Variants in IGF2R observed in about 807,000 individuals in gnomAD.
The protein encoded by IGF2R is cation-independent mannose-6-phosphate receptor.
Under a neutral mutation model 270.6 loss-of-function variants are expected in IGF2R, and 91 were observed. The observed-to-expected ratio is 0.34, with a 90% CI of 0.28 to 0.40. The LOEUF (loss-of-function observed/expected upper bound fraction) is 0.40. Among genes scored for constraint, IGF2R ranks in the 10% least tolerant of loss-of-function variants. IGF2R has a pLI of 1.00. For missense variants in IGF2R, 2,805 were observed against 3,188.3 expected (o/e 0.88, Z 2.90); for synonymous variants, 1,316 against 1,258.9 (o/e 1.05, Z -0.96).
At position 160,085,234 on chromosome 6, in the gene IGF2R, G is replaced by C. The variant is rs573027281; in HGVS notation, c.6205+103G>C. The C allele has an allele frequency of 3.2e-6, 4 of 1,260,862 alleles. No individual in the cohort carries two copies. The African/African-American group carries it at 6.0e-5, about 19-fold the overall frequency. The allele number at this position is 1,260,862 out of a possible 1,614,324, so 78.1% of individuals were successfully genotyped here. ...AAGGAGAGTGAGCATGTGCTTTGGT[G>C]GAAACCTCCAGATATGATTGCCTGT... On this transcript the variant is annotated intron_variant, in intron 41 of 47. Coordinates refer to ENST00000356956, the MANE Select transcript of IGF2R (RefSeq NM_000876.4).
chr6:160,055,291 T>C (rs1263754705), intron 19 of IGF2R, among the ~76,000 whole-genome samples: 1 of 152,226 alleles, frequency 6.6e-6, no homozygotes, highest in Non-Finnish European at 1.5e-5. Flanking sequence ...CTTGTTGCCA[T>C]TGAGACACTG....
At chr6:160,055,608 A>C (rs1778294651) in intron 19 of IGF2R, among the ~76,000 whole-genome samples, 1 of 152,028 alleles carries the variant, frequency 6.6e-6, no homozygotes, top group East Asian at 1.9e-4. Context: ...AAGGGTAGAG[A>C]GCCCTTGACG....
intron 21 of IGF2R, 45 bp from the exon 22 acceptor site, chr6:160,058,861 C>T (rs372736040): frequency 4.0e-5 from 61 of 1,531,322 alleles, no homozygotes; most frequent in South Asian, 1.7e-4. Flanking sequence ...TGGTGAGATA[C>T]GAGGCATAAA....
chr6:160,078,700 G>A (rs1372255557), intron 37 of IGF2R, among the ~76,000 whole-genome samples: 1 of 152,226 alleles, frequency 6.6e-6, no homozygotes, highest in African/African-American at 2.4e-5. Flanking sequence ...AGGTATCCAT[G>A]GGGACAGGGC....
chr6:160,074,107 A>G lies in IGF2R; in HGVS notation c.5166+132A>G, dbSNP rs188379215. The G allele has an allele frequency of 7.9e-5, 52 of 657,124 alleles. No individual in the cohort carries two copies. In the Admixed American group the frequency reaches 9.3e-4, roughly 12 times the overall value. 40.7% of individuals were successfully genotyped at this position (657,124 alleles called of 1,614,324 possible). A position where few individuals can be genotyped will look rare whatever the true frequency, so the allele number is the denominator to read the frequency against. On this transcript the variant is annotated intron_variant, in intron 35 of 47. Transcript: ENST00000356956. ...ATGGAGAAAGTAAGTGGGACTGTGT[A>G]TGTTCTGGGTCCGCTACTGGAAGAT...
chr6:160,096,679 A>G (rs1779367775), intron 45 of IGF2R, 54 bp downstream of exon 45: 2 of 1,399,284 alleles, frequency 1.4e-6, no homozygotes, highest in Non-Finnish European at 2.0e-6. Context: ...TCCCTTAAGA[A>G]TAAGTGTATG....
intron 4 of IGF2R, among the ~76,000 whole-genome samples, chr6:160,015,545 C>G (rs1777271541): frequency 1.3e-5 from 2 of 151,924 alleles, no homozygotes; most frequent in Non-Finnish European, 2.9e-5. Flanking sequence ...GTGGGTGCTC[C>G]TACTTCATGA....
At chr6:160,047,941 G>T (rs1778106275) in intron 17 of IGF2R, 34 bp downstream of exon 17, 2 of 1,339,122 alleles carry the variant, frequency 1.5e-6, no homozygotes. Context: ...TTTTTGGCCT[G>T]GTACAGATGC....
At chr6:159,980,643 G>A (rs574940219) in intron 1 of IGF2R, among the ~76,000 whole-genome samples, 2 of 152,218 alleles carry the variant, frequency 1.3e-5, no homozygotes, top group Non-Finnish European at 2.9e-5. Flanking sequence ...GGCCTCATTA[G>A]CATCATGGGC....
intron 39 of IGF2R, among the ~76,000 whole-genome samples, chr6:160,082,805 G>A (rs1779015006): frequency 6.6e-6 from 1 of 152,246 alleles, no homozygotes; most frequent in South Asian, 2.1e-4. Flanking sequence ...TGTGTTGCCA[G>A]ATGGCGGATG....
At chr6:160,060,437 C>G in intron 22 of IGF2R, 110 bp from the exon 23 acceptor site, 1 of 1,043,998 alleles carries the variant, frequency 9.6e-7, no homozygotes, top group Non-Finnish European at 1.4e-6. Context: ...CCACGAACGG[C>G]TGTGAAGCTT....
chr6:160,104,011 C>T (rs188915178), intron 47 of IGF2R, among the ~76,000 whole-genome samples, 196 bp downstream of exon 47: 13 of 152,032 alleles, frequency 8.6e-5, no homozygotes, highest in East Asian at 1.9e-4. Flanking sequence ...AAGTTTCTCT[C>T]GTGGTTACAA....
chr6:160,083,919 G>T (rs766679013), intron 39 of IGF2R, 31 bp from the exon 40 acceptor site: 2 of 1,448,186 alleles, frequency 1.4e-6, no homozygotes, highest in Non-Finnish European at 1.9e-6. Flanking sequence ...GTGACAGTCT[G>T]ATCTCTCTCT....
rs79598973 is a variant in IGF2R, at chr6:160,106,709, G to C, written c.*1625G>C. ...GGCAGCACTTTCATTTTTCTCCAGAGTCTCCTGGTCGTAGGTGTTAACTTT... is the reference window on the plus strand; with the variant it reads ...GGCAGCACTTTCATTTTTCTCCAGACTCTCCTGGTCGTAGGTGTTAACTTT... On this transcript the variant is annotated 3_prime_UTR_variant, in exon 48 of 48. Coordinates refer to ENST00000356956, the MANE Select transcript of IGF2R (RefSeq NM_000876.4). 493 of 152,210 alleles carry C rather than the reference G, an allele frequency of 3.2e-3. 2 individuals are homozygous for C. The highest frequency in any genetic ancestry group is 0.011 in the African/African-American group (477 of 41,524). 9.4% of individuals were successfully genotyped at this position (152,210 alleles called of 1,614,324 possible). A position where few individuals can be genotyped will look rare whatever the true frequency, so the allele number is the denominator to read the frequency against.
At chr6:160,073,997 G>T (rs1169553445) in intron 35 of IGF2R, 22 bp downstream of exon 35, 4 of 1,568,002 alleles carry the variant, frequency 2.6e-6, no homozygotes, top group Non-Finnish European at 2.6e-6. Context: ...AAATCCAAGG[G>T]TGGAGATAAT....
intron 4 of IGF2R, among the ~76,000 whole-genome samples, chr6:160,015,114 C>A (rs576463205): frequency 6.6e-6 from 1 of 152,260 alleles, no homozygotes; most frequent in Admixed American, 6.5e-5. Flanking sequence ...TTAGAGCATT[C>A]CTGCAGATTT....
chr6:160,081,120 G>A (rs1438141225), intron 39 of IGF2R, among the ~76,000 whole-genome samples: 6 of 127,208 alleles, frequency 4.7e-5, no homozygotes, highest in South Asian at 2.7e-4. Context: ...AGTGAGACTC[G>A]GTCTCAAAAA....
intron 22 of IGF2R, 79 bp from the exon 23 acceptor site, chr6:160,060,468 C>A: frequency 7.1e-7 from 1 of 1,403,992 alleles, no homozygotes; most frequent in Non-Finnish European, 9.9e-7. Flanking sequence ...GCAGCCTTGT[C>A]CTGTTGCTGC....
intron 45 of IGF2R, among the ~76,000 whole-genome samples, chr6:160,098,002 G>T (rs1461260998): frequency 6.6e-6 from 1 of 152,158 alleles, no homozygotes; most frequent in East Asian, 1.9e-4. Context: ...ATTACAAAAT[G>T]AAAGGATTGA....
Sources: allele counts gnomAD v4.1 joint callset (sites outside exome capture counted in the v4.1 genomes callset), GRCh38; gene constraint gnomAD v4.1.1; transcripts MANE v1.5; gene names NCBI Gene and HGNC (gene_info 2026-07-23, HGNC 2026-07-21).